PAK5: variants seen among roughly 807,000 people sequenced by gnomAD.
PAK5 encodes p21 (RAC1) activated kinase 5.
In PAK5, 16 loss-of-function variants were observed where a neutral mutation model predicts 65.9. That is an observed-to-expected ratio of 0.24 (90% CI 0.16 to 0.37). The LOEUF (loss-of-function observed/expected upper bound fraction) is 0.37. Ranked by LOEUF, PAK5 falls within the 10% of genes least tolerant of loss-of-function variation. The probability of loss-of-function intolerance (pLI) is 1.00; values close to 1 mark genes in which losing one functional copy is unlikely to be tolerated. For synonymous variants in PAK5, 371 were observed against 354.9 expected (o/e 1.05, Z -0.51); for missense variants, 785 against 903.9 (o/e 0.87, Z 1.69).
intron 1 of PAK5, among the ~76,000 whole-genome samples, chr20:9,822,412 C>A (rs1432884513): frequency 6.6e-6 from 1 of 151,482 alleles, no homozygotes; most frequent in Non-Finnish European, 1.5e-5. Context: ...TTTCATTTTT[C>A]AACATTAGAT....
intron 1 of PAK5, among the ~76,000 whole-genome samples, chr20:9,820,377 C>A (rs2049405399): frequency 6.6e-6 from 1 of 152,262 alleles, no homozygotes; most frequent in East Asian, 1.9e-4. Flanking sequence ...AATTGGGCCA[C>A]AACCTATTTT....
chr20:9,678,920 T>C (rs970678930), intron 2 of PAK5, among the ~76,000 whole-genome samples: 1 of 152,148 alleles, frequency 6.6e-6, no homozygotes, highest in African/African-American at 2.4e-5. Context: ...AGCCAAACCA[T>C]ATCAGAAGCC....
chr20:9,672,063 A>G (rs1255111852), intron 2 of PAK5, among the ~76,000 whole-genome samples: 1 of 152,068 alleles, frequency 6.6e-6, no homozygotes, highest in Non-Finnish European at 1.5e-5. Flanking sequence ...AAGAGAGATA[A>G]TCAGCGAGGA....
At chr20:9,776,089 G>A (rs1053594691) in intron 1 of PAK5, among the ~76,000 whole-genome samples, 2 of 152,180 alleles carry the variant, frequency 1.3e-5, no homozygotes, top group African/African-American at 2.4e-5. Context: ...CTTATCTTGT[G>A]CTGAATGCTT....
chr20:9,725,676 A>G (rs1393361888), intron 1 of PAK5, among the ~76,000 whole-genome samples: 3 of 152,302 alleles, frequency 2.0e-5, no homozygotes, highest in Admixed American at 1.3e-4. Flanking sequence ...CAGATTTGAC[A>G]CAAAATAGTA....
At chr20:9,819,663 G>A (rs2049397064) in intron 1 of PAK5, among the ~76,000 whole-genome samples, 1 of 151,944 alleles carries the variant, frequency 6.6e-6, no homozygotes, top group African/African-American at 2.4e-5. Flanking sequence ...TCTCTGTCAA[G>A]GTGGTTTGGG....
chr20:9,722,427 A>G (rs1198536107), intron 1 of PAK5, among the ~76,000 whole-genome samples: 4 of 151,912 alleles, frequency 2.6e-5, no homozygotes, highest in African/African-American at 7.3e-5. Context: ...CCTGGCTAAC[A>G]TGGTGAAACC....
intron 2 of PAK5, among the ~76,000 whole-genome samples, chr20:9,668,961 T>C (rs1352198820): frequency 6.6e-6 from 1 of 152,190 alleles, no homozygotes; most frequent in Non-Finnish European, 1.5e-5. Flanking sequence ...ATTCGAGAGA[T>C]CTTTTCCTTG....
intron 1 of PAK5, among the ~76,000 whole-genome samples, chr20:9,808,669 C>A (rs992846): frequency 1.3e-5 from 2 of 151,978 alleles, no homozygotes; most frequent in East Asian, 1.9e-4. Flanking sequence ...ATGTTCAGAA[C>A]AGGCAAATTC....
intron 1 of PAK5, among the ~76,000 whole-genome samples, chr20:9,782,313 A>C (rs1046355041): frequency 3.9e-5 from 6 of 151,902 alleles, no homozygotes; most frequent in African/African-American, 9.7e-5. Flanking sequence ...AACCCCTCCC[A>C]CCACTATACT....
chr20:9,618,915 GTTTTTTTTTTTTTTTTTTTTT>G lies in PAK5; in HGVS notation c.204+25189_204+25209del, dbSNP rs150725498. 4.8e-4 allele frequency among the ~76,000 whole-genome samples: 9 copies of G among 18,816 alleles called. No individual in the cohort carries two copies. In the Admixed American group the frequency reaches 6.3e-3, roughly 13 times the overall value. 12.3% of individuals were successfully genotyped at this position (18,816 alleles called of 152,430 possible). A position where few individuals can be genotyped will look rare whatever the true frequency, so the allele number is the denominator to read the frequency against. ...AGATTCTTTTCTCTCTCTTTCTTTC[GTTTTTTTTTTTTTTTTTTTTT>G]TTTTTTTTTTTTTAATCTCACTGTT... On this transcript the variant is annotated intron_variant, in intron 3 of 9. Coordinates refer to ENST00000353224, the MANE Select transcript of PAK5 (RefSeq NM_177990.4).
chr20:9,595,114 T>C (rs1466693967), intron 3 of PAK5, among the ~76,000 whole-genome samples: 3 of 150,554 alleles, frequency 2.0e-5, no homozygotes, highest in African/African-American at 7.3e-5. Flanking sequence ...TATACACATA[T>C]ACATATATAT....
chr20:9,540,496 T>TTCAC (rs10627832), intron 9 of PAK5, among the ~76,000 whole-genome samples: 28,432 of 152,046 alleles, frequency 0.19, 3,462 homozygotes, highest in African/African-American at 0.35. Flanking sequence ...TCTGGCTTCT[T>TTCAC]TCACTCAGTG....
At chr20:9,808,692 A>G (rs1159304259) in intron 1 of PAK5, among the ~76,000 whole-genome samples, 5 of 152,198 alleles carry the variant, frequency 3.3e-5, no homozygotes, top group Non-Finnish European at 7.3e-5. Flanking sequence ...AGAGTTAGAA[A>G]GTAAACTGGT....
chr20:9,603,361 T>C (rs2046393820), intron 3 of PAK5, among the ~76,000 whole-genome samples: 1 of 152,190 alleles, frequency 6.6e-6, no homozygotes, highest in Non-Finnish European at 1.5e-5. Flanking sequence ...CTCCACCTTC[T>C]CTGTTTTCTT....
At chr20:9,747,498 T>G (rs76675683) in intron 1 of PAK5, among the ~76,000 whole-genome samples, 30,744 of 146,314 alleles carry the variant, frequency 0.21, 3,715 homozygotes, top group East Asian at 0.3. Flanking sequence ...CGATCAAGTG[T>G]GCTTCATCCC....
Position 9,776,498 on chromosome 20 carries a change from C to T in PAK5, c.-162+62264G>A, listed in dbSNP as rs1239082903. ...TTTCACTAAGTAGAACTTAATTTCC[C>T]TCCTCCTAGGTGTGAACTGGACTTA... is the stretch of plus-strand genomic sequence containing the variant. On this transcript the variant is annotated intron_variant, in intron 1 of 9. Transcript: ENST00000353224. Among the ~76,000 whole-genome samples, 33 of 152,146 alleles carry T rather than the reference C, an allele frequency of 2.2e-4. 1 individual carries two copies. The highest frequency in any genetic ancestry group is 2.2e-3 in the Admixed American group (33 of 15,264).
At chr20:9,822,693 T>C (rs1174562130) in intron 1 of PAK5, among the ~76,000 whole-genome samples, 1 of 152,216 alleles carries the variant, frequency 6.6e-6, no homozygotes, top group Non-Finnish European at 1.5e-5. Flanking sequence ...AGGCAACAGG[T>C]ATAGATGTAG....
chr20:9,625,639 C>A (rs1250272638), intron 3 of PAK5, among the ~76,000 whole-genome samples: 2 of 152,156 alleles, frequency 1.3e-5, no homozygotes, highest in African/African-American at 4.8e-5. Context: ...TATTCACAGG[C>A]ACCATCCTAG....
Sources: allele counts gnomAD v4.1 joint callset (sites outside exome capture counted in the v4.1 genomes callset), GRCh38; gene constraint gnomAD v4.1.1; transcripts MANE v1.5; gene names NCBI Gene and HGNC (gene_info 2026-07-23, HGNC 2026-07-21).